The following CSMD1 variants were observed in gnomAD, a reference collection of about 807,000 sequenced individuals.
The protein encoded by CSMD1 is CUB and Sushi multiple domains 1.
In CSMD1, 213 loss-of-function variants were observed where a neutral mutation model predicts 417.5. The observed-to-expected ratio is 0.51, with a 90% CI of 0.46 to 0.57. CSMD1 has a LOEUF of 0.57. Among genes scored for constraint, CSMD1 ranks in the 20% least tolerant of loss-of-function variants. The pLI, the probability that CSMD1 is intolerant of heterozygous loss-of-function variation, is 0.00. For synonymous variants in CSMD1, 2,862 were observed against 1,736.8 expected, an observed-to-expected ratio of 1.65 and a Z score of -16.11; for missense variants, 6,923 against 4,529.7, an observed-to-expected ratio of 1.53 and a Z score of -15.17.
chr8:3,562,607 T>C (rs1799518185), intron 10 of CSMD1, among the ~76,000 whole-genome samples: 1 of 152,174 alleles, frequency 6.6e-6, no homozygotes, highest in Non-Finnish European at 1.5e-5. Context: ...TAAAATTTTA[T>C]TTCTAGAAAT....
intron 1 of CSMD1, among the ~76,000 whole-genome samples, chr8:4,872,566 T>A (rs746539916): frequency 6.6e-5 from 10 of 152,068 alleles, no homozygotes; most frequent in Non-Finnish European, 1.0e-4. Flanking sequence ...CCTGCAGAAC[T>A]GTGAGTCAAT....
chr8:4,201,254 C>G (rs142617023), intron 3 of CSMD1, among the ~76,000 whole-genome samples: 3,244 of 152,202 alleles, frequency 0.021, 49 homozygotes, highest in Non-Finnish European at 0.033. Context: ...TAAAAAAATT[C>G]AGGGCCGGGC....
At chr8:3,712,844 A>C (rs1351444145) in intron 6 of CSMD1, among the ~76,000 whole-genome samples, 1 of 152,214 alleles carries the variant, frequency 6.6e-6, no homozygotes, top group Non-Finnish European at 1.5e-5. Context: ...TACAGAGGCC[A>C]GGGCTGGGGG....
chr8:3,047,454 T>C (rs149672175), intron 50 of CSMD1, among the ~76,000 whole-genome samples: 65 of 152,198 alleles, frequency 4.3e-4, no homozygotes, highest in African/African-American at 1.4e-3. Flanking sequence ...CACCAGTAGT[T>C]ACAAGCCTGA....
chr8:3,348,520 C>G (rs944948918), intron 21 of CSMD1, among the ~76,000 whole-genome samples: 2 of 152,178 alleles, frequency 1.3e-5, no homozygotes, highest in African/African-American at 4.8e-5. Context: ...TCATTCCTGC[C>G]TCATGAAATG....
intron 1 of CSMD1, among the ~76,000 whole-genome samples, chr8:4,846,501 A>T (rs1310755992): frequency 1.3e-5 from 2 of 152,012 alleles, no homozygotes; most frequent in Admixed American, 1.3e-4. Flanking sequence ...CCTGACAGCA[A>T]CTCCCACAAC....
At chr8:4,650,676 C>A (rs1232371137) in intron 1 of CSMD1, among the ~76,000 whole-genome samples, 1 of 151,656 alleles carries the variant, frequency 6.6e-6, no homozygotes, top group Non-Finnish European at 1.5e-5. Context: ...AAAGATACAG[C>A]TTGTAGTTGA....
intron 1 of CSMD1, among the ~76,000 whole-genome samples, chr8:4,973,042 G>T (rs1044248782): frequency 6.6e-6 from 1 of 152,092 alleles, no homozygotes; most frequent in African/African-American, 2.4e-5. Flanking sequence ...ATGTAGTAAA[G>T]AAGGTAAAAT....
chr8:3,677,577 G>C (rs1004545832), intron 7 of CSMD1, among the ~76,000 whole-genome samples: 2 of 152,122 alleles, frequency 1.3e-5, no homozygotes, highest in Non-Finnish European at 2.9e-5. Flanking sequence ...AGATGTCTTA[G>C]ATTCACGAAA....
chr8:3,348,341 G>C (rs1585034871), intron 21 of CSMD1, among the ~76,000 whole-genome samples, 180 bp from the exon 22 acceptor site: 1 of 151,938 alleles, frequency 6.6e-6, no homozygotes. Flanking sequence ...GACCAAAAAA[G>C]ATACCCCACC....
At chr8:4,666,857 A>T (rs1804968738) in intron 1 of CSMD1, among the ~76,000 whole-genome samples, 1 of 152,066 alleles carries the variant, frequency 6.6e-6, no homozygotes, top group Non-Finnish European at 1.5e-5. Context: ...ATTTTGATGA[A>T]GTCTGATTTA....
intron 6 of CSMD1, among the ~76,000 whole-genome samples, chr8:3,726,120 G>C (rs1585139470): frequency 6.6e-6 from 1 of 152,162 alleles, no homozygotes; most frequent in East Asian, 1.9e-4. Context: ...TAAGGGACCT[G>C]AGGTCCCTGC....
chr8:4,842,517 T>A (rs1269775459), intron 1 of CSMD1, among the ~76,000 whole-genome samples: 2 of 152,150 alleles, frequency 1.3e-5, no homozygotes, highest in Non-Finnish European at 2.9e-5. Context: ...CTAAAAAATG[T>A]AGCAAGTGTT....
intron 7 of CSMD1, among the ~76,000 whole-genome samples, chr8:3,684,562 C>G (rs968099976): frequency 6.7e-6 from 1 of 149,088 alleles, no homozygotes; most frequent in Non-Finnish European, 1.5e-5. Context: ...TCTATATCAT[C>G]ATTGTTGAAC....
rs73661520 is a variant in CSMD1, at chr8:4,541,212, T to C, written c.302+96130A>G. On this transcript the variant is annotated intron_variant, in intron 2 of 69. Coordinates refer to ENST00000635120, the MANE Select transcript of CSMD1 (RefSeq NM_033225.6). ...CTGCATCTAGGGACTGGAAGTCCCATCTCTGCTTTGCCAGTAACTACTGTG... is the reference window on the plus strand; with the variant it reads ...CTGCATCTAGGGACTGGAAGTCCCACCTCTGCTTTGCCAGTAACTACTGTG... Among the ~76,000 whole-genome samples, 345 of 152,264 alleles carry C rather than the reference T, an allele frequency of 2.3e-3. 4 individuals are homozygous for C. The highest frequency in any genetic ancestry group is 7.8e-3 in the African/African-American group (323 of 41,562).
At chr8:4,746,282 G>A (rs1002691905) in intron 1 of CSMD1, among the ~76,000 whole-genome samples, 6 of 152,174 alleles carry the variant, frequency 3.9e-5, no homozygotes, top group Admixed American at 3.3e-4. Flanking sequence ...GACGTACTTA[G>A]AGCCTGGTGC....
At position 4,435,254 on chromosome 8, in the gene CSMD1, T is replaced by C. The variant is rs140916175; in HGVS notation, c.303-15189A>G. The stretch of plus-strand genomic sequence containing the variant: ...TAAACCTTGAAAAAAATGTATGTTT[T>C]ATAAGTACTTTGTTAATCCACCTAC... On this transcript the variant is annotated intron_variant, in intron 2 of 69. Transcript: ENST00000635120. Among the ~76,000 whole-genome samples the C allele has an allele frequency of 1.0e-3, 154 of 152,344 alleles. 1 individual carries two copies. Among genetic ancestry groups the C allele is most frequent in the African/African-American group, 3.6e-3 (148 of 41,588 alleles).
At chr8:4,100,694 C>G (rs185608041) in intron 3 of CSMD1, among the ~76,000 whole-genome samples, 24 of 152,240 alleles carry the variant, frequency 1.6e-4, no homozygotes, top group African/African-American at 5.8e-4. Flanking sequence ...TACTGGGAGA[C>G]TCTTTAATTT....
chr8:3,314,763 A>G (rs1805619635), intron 23 of CSMD1, among the ~76,000 whole-genome samples: 2 of 152,104 alleles, frequency 1.3e-5, no homozygotes, highest in Admixed American at 6.5e-5. Context: ...TCTTCTAACA[A>G]TATTAGAGTT....
Sources: allele counts gnomAD v4.1 joint callset (sites outside exome capture counted in the v4.1 genomes callset), GRCh38; gene constraint gnomAD v4.1.1; transcripts MANE v1.5; gene names NCBI Gene and HGNC (gene_info 2026-07-23, HGNC 2026-07-21).